The following PDZRN3 variants were observed in gnomAD, a reference collection of about 807,000 sequenced individuals.
PDZRN3 encodes the protein PDZ domain containing ring finger 3.
Under a neutral mutation model 85.7 loss-of-function variants are expected in PDZRN3, and 38 were observed. That is an observed-to-expected ratio of 0.44 (90% CI 0.34 to 0.58). The LOEUF (loss-of-function observed/expected upper bound fraction) is 0.58. PDZRN3 is among the 20% of genes least tolerant of loss of function. The pLI, the probability that PDZRN3 is intolerant of heterozygous loss-of-function variation, is 0.01. For missense variants in PDZRN3, 1,629 were observed against 1,506.4 expected, an observed-to-expected ratio of 1.08 and a Z score of -1.35; for synonymous variants, 759 against 638.0, an observed-to-expected ratio of 1.19 and a Z score of -2.86.
intron 3 of PDZRN3, among the ~76,000 whole-genome samples, chr3:73,597,737 A>T (rs7610529): frequency 0.14 from 21,243 of 148,548 alleles, 1,569 homozygotes; most frequent in Admixed American, 0.17. Context: ...TAGGCAAGCC[A>T]TGACCAAAAA....
chr3:73,492,831 A>G (rs1703796128), intron 3 of PDZRN3, among the ~76,000 whole-genome samples: 1 of 152,216 alleles, frequency 6.6e-6, no homozygotes, highest in East Asian at 1.9e-4. Context: ...GGATATGCCA[A>G]TTACCTAATC....
chr3:73,489,268 G>A (rs1703723532), intron 3 of PDZRN3, among the ~76,000 whole-genome samples: 1 of 152,154 alleles, frequency 6.6e-6, no homozygotes, highest in Non-Finnish European at 1.5e-5. Flanking sequence ...GAAAGAAAAG[G>A]AAAAGCTTTA....
At chr3:73,391,885 G>A (rs1458283544) in intron 5 of PDZRN3, among the ~76,000 whole-genome samples, 2 of 152,118 alleles carry the variant, frequency 1.3e-5, no homozygotes, top group Non-Finnish European at 2.9e-5. Flanking sequence ...GCTCCAAGCT[G>A]CAAGCCTATT....
At chr3:73,425,159 T>A (rs1248848143) in intron 3 of PDZRN3, among the ~76,000 whole-genome samples, 1 of 151,762 alleles carries the variant, frequency 6.6e-6, no homozygotes, top group Admixed American at 6.6e-5. Context: ...GGACCACAGG[T>A]GCCTGCCACC....
At chr3:73,575,841 T>A (rs563984772) in intron 3 of PDZRN3, among the ~76,000 whole-genome samples, 1 of 152,208 alleles carries the variant, frequency 6.6e-6, no homozygotes, top group Admixed American at 6.5e-5. Context: ...TGATTCTTTA[T>A]GGTGATCTAA....
chr3:73,386,225 ACTTTT>A lies in PDZRN3; in HGVS notation c.1519-445_1519-441del, dbSNP rs1701381665. On this transcript the variant is annotated intron_variant, in intron 8 of 9. Coordinates refer to ENST00000263666, the MANE Select transcript of PDZRN3 (RefSeq NM_015009.3). ...AGCTGTTTGGCTTGGGCAAGATATC[ACTTTT>A]TTTTTTTTTTTTTTTGAGACAGAAT... Among the ~76,000 whole-genome samples, 6 of 38,660 alleles carry A rather than the reference ACTTTT, an allele frequency of 1.6e-4. No homozygotes were observed. The South Asian group carries it at 3.9e-3, about 25-fold the overall frequency. The allele number at this position is 38,660 out of a possible 152,430, so 25.4% of individuals were successfully genotyped here. A position where few individuals can be genotyped will look rare whatever the true frequency, so the allele number is the denominator to read the frequency against.
chr3:73,558,808 G>C (rs920560924), intron 3 of PDZRN3, among the ~76,000 whole-genome samples: 2 of 152,188 alleles, frequency 1.3e-5, no homozygotes, highest in African/African-American at 4.8e-5. Flanking sequence ...TCTTAATCAT[G>C]GACTCTCTTA....
chr3:73,598,052 C>T (rs1166732806), intron 3 of PDZRN3, among the ~76,000 whole-genome samples: 1 of 151,956 alleles, frequency 6.6e-6, no homozygotes, highest in Non-Finnish European at 1.5e-5. Flanking sequence ...CACATTTTTG[C>T]CTTCTCCTAA....
chr3:73,442,540 C>CTAGG (rs1172894094), intron 3 of PDZRN3, among the ~76,000 whole-genome samples: 1 of 152,090 alleles, frequency 6.6e-6, no homozygotes, highest in Non-Finnish European at 1.5e-5. Context: ...ACGAGGAACA[C>CTAGG]TAGGTGTTAC....
At chr3:73,511,508 C>T (rs1704164204) in intron 3 of PDZRN3, among the ~76,000 whole-genome samples, 1 of 152,158 alleles carries the variant, frequency 6.6e-6, no homozygotes. Flanking sequence ...GTGGGGCAAG[C>T]TTTTCCCTTC....
rs75766693 is a variant in PDZRN3 at position 73,440,640 on chromosome 3, G to A, written c.919-36245C>T. The stretch of plus-strand genomic sequence containing the variant: ...TTGGAAATTCCCGAGGGCGGTTCCC[G>A]AGCAAGTCATCTTTGTAACCCCTGA... On this transcript the variant is annotated intron_variant, in intron 3 of 9. Coordinates refer to ENST00000263666, the MANE Select transcript of PDZRN3 (RefSeq NM_015009.3). 3.7e-3 allele frequency among the ~76,000 whole-genome samples: 557 copies of A among 152,216 alleles called. 1 individual carries two copies. The highest frequency in any genetic ancestry group is 0.013 in the African/African-American group (532 of 41,536).
chr3:73,569,441 C>CA, intron 3 of PDZRN3: 1 of 1,140,008 alleles, frequency 8.8e-7, no homozygotes, highest in Non-Finnish European at 1.1e-6. Context: ...GTCACGTTCT[C>CA]TTAAGCCCCG....
chr3:73,489,738 A>G (rs1703736017), intron 3 of PDZRN3, among the ~76,000 whole-genome samples: 2 of 151,712 alleles, frequency 1.3e-5, no homozygotes, highest in Non-Finnish European at 2.9e-5. Flanking sequence ...ATGCTGGGCT[A>G]ATTTTTGTAT....
At chr3:73,621,441 C>T (rs959398553) in intron 1 of PDZRN3, among the ~76,000 whole-genome samples, 2 of 152,122 alleles carry the variant, frequency 1.3e-5, no homozygotes, top group African/African-American at 4.8e-5. Flanking sequence ...TGAGAGTTTC[C>T]AGGACATATA....
At chr3:73,544,084 G>GCA (rs1701359485) in intron 3 of PDZRN3, among the ~76,000 whole-genome samples, 1 of 152,132 alleles carries the variant, frequency 6.6e-6, no homozygotes, top group Non-Finnish European at 1.5e-5. Flanking sequence ...GTGGTGGTGG[G>GCA]CACCTGTAAT....
intron 3 of PDZRN3, among the ~76,000 whole-genome samples, chr3:73,547,137 C>T (rs1701445110): frequency 6.6e-6 from 1 of 152,168 alleles, no homozygotes; most frequent in African/African-American, 2.4e-5. Context: ...GAATGGCTTT[C>T]CATAATTCAT....
intron 3 of PDZRN3, among the ~76,000 whole-genome samples, chr3:73,562,603 G>T (rs1701843653): frequency 6.6e-6 from 1 of 152,086 alleles, no homozygotes; most frequent in African/African-American, 2.4e-5. Context: ...CCCGTTAAAT[G>T]CATGCCATCT....
chr3:73,605,657 G>A (rs1485912476), intron 2 of PDZRN3, among the ~76,000 whole-genome samples: 1 of 152,230 alleles, frequency 6.6e-6, no homozygotes, highest in Non-Finnish European at 1.5e-5. Context: ...CTAACAACGT[G>A]TGTGCATTGT....
chr3:73,494,240 A>G (rs1703828203), intron 3 of PDZRN3, among the ~76,000 whole-genome samples: 1 of 152,226 alleles, frequency 6.6e-6, no homozygotes, highest in Admixed American at 6.5e-5. Flanking sequence ...TTACTACAAA[A>G]CAAGATCAGA....
Sources: gnomAD v4.1 joint callset for allele counts (sites outside exome capture counted in the v4.1 genomes callset) on GRCh38, gnomAD v4.1.1 for gene constraint, MANE v1.5 for transcripts, NCBI Gene and HGNC (gene_info 2026-07-23, HGNC 2026-07-21) for gene names.